Variants in HAS2 observed in about 807,000 individuals in gnomAD.
The protein encoded by HAS2 is hyaluronan synthase 2, also known as HA synthase 2.
Under a neutral mutation model 51.6 loss-of-function variants are expected in HAS2, and 16 were observed. The observed-to-expected ratio is 0.31, with a 90% confidence interval of 0.21 to 0.47. HAS2 has a LOEUF of 0.47. HAS2 is among the 20% of genes least tolerant of loss of function. The pLI is 1.00. For missense variants in HAS2, 361 were observed against 662.6 expected (o/e 0.54, Z 5.00); for synonymous variants, 228 against 235.5 (o/e 0.97, Z 0.29).
intron 2 of HAS2, among the ~76,000 whole-genome samples, chr8:121,625,620 T>C (rs1176254081): frequency 6.7e-6 from 1 of 150,196 alleles, no homozygotes; most frequent in Non-Finnish European, 1.5e-5. Flanking sequence ...CTAGCAATCC[T>C]ACCTCAGCCT....
rs752820273 is a variant in HAS2 at position 121,628,816 on chromosome 8, G to A, written c.525C>T (p.Val175=). ...TGATGCAGATACTTTTGTTGGACAA[G>A]ACCAATTGCGTTACGTGTTGCGAGC... ...KESSQHVTQL[V]LSNKSICIMQ... is the part of the protein sequence containing the mutation. Residue 175 remains valine (V), a synonymous_variant, in exon 2 of 4, where the codon GTC becomes GTT. Transcript: ENST00000303924. 11 of 1,614,112 alleles carry A rather than the reference G, an allele frequency of 6.8e-6. No individual in the cohort carries two copies. In the South Asian group the frequency reaches 1.1e-4, roughly 16 times the overall value.
intron 2 of HAS2, among the ~76,000 whole-genome samples, chr8:121,618,700 T>A (rs1041003174): frequency 3.3e-5 from 5 of 152,220 alleles, no homozygotes; most frequent in African/African-American, 1.2e-4. Context: ...GTCATGTGAT[T>A]AATCAGCTTG....
Position 121,613,312 on chromosome 8 carries a change from G to A in HAS2, c.*797C>T, listed in dbSNP as rs1812661537. ...ACTTCCAAAGTGTGATAGGTATATT[G>A]GCCTTTTCTAAAAGAAATAAAAACA... is the stretch of plus-strand genomic sequence containing the variant. On this transcript the variant is annotated 3_prime_UTR_variant, in exon 4 of 4. Coordinates refer to ENST00000303924, the MANE Select transcript of HAS2 (RefSeq NM_005328.3). The A allele has an allele frequency of 6.6e-6, 1 of 151,772 alleles. No homozygotes were observed. The highest frequency in any genetic ancestry group is 2.1e-4 in the South Asian group (1 of 4,800). The allele number at this position is 151,772 out of a possible 1,614,324, so 9.4% of individuals were successfully genotyped here.
intron 1 of HAS2, among the ~76,000 whole-genome samples, chr8:121,631,404 C>T (rs1052010024): frequency 9.9e-5 from 15 of 152,140 alleles, no homozygotes; most frequent in African/African-American, 2.9e-4. Context: ...CCCCACAGGA[C>T]TGTGGTGAGG....
chr8:121,626,350 C>T lies in HAS2; in HGVS notation c.627+2364G>A, dbSNP rs80109436. On this transcript the variant is annotated intron_variant, in intron 2 of 3. Transcript: ENST00000303924. ...GAGAGCAATAAGCAAGGCATCTATT[C>T]AAGACCAAGTGAAAAGAGTGCTGAA... Among the ~76,000 whole-genome samples the T allele has an allele frequency of 7.3e-3, 1,119 of 152,258 alleles. 12 individuals carry two copies. Among genetic ancestry groups the T allele is most frequent in the South Asian group, 0.036 (171 of 4,808 alleles).
intron 2 of HAS2, among the ~76,000 whole-genome samples, chr8:121,619,625 T>C (rs1411871929): frequency 1.3e-5 from 2 of 152,104 alleles, no homozygotes; most frequent in African/African-American, 4.8e-5. Flanking sequence ...TATCCAAGCA[T>C]CTCAAGCCTC....
rs988227147 is a variant in HAS2 at position 121,613,168 on chromosome 8, TG to T, written c.*940del. On this transcript the variant is annotated 3_prime_UTR_variant, in exon 4 of 4. Transcript: ENST00000303924. Reference sequence around the variant, plus strand: ...GTTTTGTCCAGTGCTGGATGCCTACTGTTTTCTTTCAAAGACTATCATTCCC... The same window carrying T: ...GTTTTGTCCAGTGCTGGATGCCTACTTTTTCTTTCAAAGACTATCATTCCC... The T allele has an allele frequency of 2.0e-5, 3 of 152,208 alleles. No homozygotes were observed. The highest frequency in any genetic ancestry group is 2.0e-4 in the Admixed American group (3 of 15,280). 9.4% of individuals were successfully genotyped at this position (152,208 alleles called of 1,614,324 possible).
At chr8:121,640,420 AGTGT>A (rs10578731) in intron 1 of HAS2, among the ~76,000 whole-genome samples, 9,428 of 148,150 alleles carry the variant, frequency 0.064, 315 homozygotes, top group African/African-American at 0.07. Context: ...TTCTCCCCAC[AGTGT>A]GTGTGTGTGT....
intron 1 of HAS2, among the ~76,000 whole-genome samples, chr8:121,636,326 T>C (rs1813008135): frequency 6.6e-6 from 1 of 152,114 alleles, no homozygotes; most frequent in Non-Finnish European, 1.5e-5. Flanking sequence ...CGCAGCAGTC[T>C]TCACATTACA....
chr8:121,640,446 G>GTGTGTGTGTGTGT (rs1563625817), intron 1 of HAS2, among the ~76,000 whole-genome samples: 24 of 121,862 alleles, frequency 2.0e-4, no homozygotes, highest in African/African-American at 6.2e-4. Flanking sequence ...TGTGTGTGTG[G>GTGTGTGTGTGTGT]GAAAAAAAGA....
intron 2 of HAS2, among the ~76,000 whole-genome samples, chr8:121,620,324 C>A (rs1001068341): frequency 6.6e-6 from 1 of 152,160 alleles, no homozygotes; most frequent in African/African-American, 2.4e-5. Context: ...GGCTTTCTAG[C>A]CATCTCCTCA....
rs546570423 is a variant in HAS2, at chr8:121,641,286, C to G, written c.-434G>C. The stretch of plus-strand genomic sequence containing the variant: ...GGAAGACTCAGCAGAACCCAGGAAG[C>G]GCAGAATTGGGAGAAAAGTCTTTGG... On this transcript the variant is annotated 5_prime_UTR_variant, in exon 1 of 4. Transcript: ENST00000303924. The G allele has an allele frequency of 2.8e-5, 4 of 140,780 alleles. No individual in the cohort carries two copies. The highest frequency in any genetic ancestry group is 4.7e-4 in the South Asian group (2 of 4,280). The allele number at this position is 140,780 out of a possible 1,614,324, so 8.7% of individuals were successfully genotyped here. A position where few individuals can be genotyped will look rare whatever the true frequency, so the allele number is the denominator to read the frequency against.
At chr8:121,637,282 AAC>A (rs1286829445) in intron 1 of HAS2, among the ~76,000 whole-genome samples, 1 of 152,204 alleles carries the variant, frequency 6.6e-6, no homozygotes, top group African/African-American at 2.4e-5. Flanking sequence ...GAAAATATTT[AAC>A]AGTGTGGCCT....
In HAS2 at chr8:121,641,182, G is replaced by GTTTTTTTTTT. The variant is rs1240320617; in HGVS notation, c.-331_-330insAAAAAAAAAA. The GTTTTTTTTTT allele has an allele frequency of 2.0e-5, 1 of 48,848 alleles. No homozygotes were observed. Among genetic ancestry groups the GTTTTTTTTTT allele is most frequent in the Non-Finnish European group, 3.5e-5 (1 of 28,528 alleles). 3.0% of individuals were successfully genotyped at this position (48,848 alleles called of 1,614,324 possible). On this transcript the variant is annotated 5_prime_UTR_variant, in exon 1 of 4. Transcript: ENST00000303924. ...TCTTTTTTTTTTTTTTTTTTTTTTG[G>GTTTTTTTTTT]GCTTCAGTCTTTCTGCCCCCGATAA...
intron 3 of HAS2, among the ~76,000 whole-genome samples, chr8:121,616,593 G>A (rs150350913): frequency 1.4e-4 from 21 of 151,652 alleles, no homozygotes; most frequent in African/African-American, 4.6e-4. Context: ...ACACCACCAC[G>A]CCCAGCTAAT....
At position 121,628,995 on chromosome 8, in the gene HAS2, C is replaced by A; in HGVS notation, c.346G>T (p.Val116Phe). 1 of 1,614,120 alleles carries A rather than the reference C, an allele frequency of 6.2e-7. No individual in the cohort carries two copies. Among genetic ancestry groups the A allele is most frequent in the Non-Finnish European group, 8.5e-7 (1 of 1,179,982 alleles). Residue 116 changes from valine to phenylalanine, a missense_variant, in exon 2 of 4, where the codon GTT (valine) becomes TTT (phenylalanine). Coordinates refer to ENST00000303924, the MANE Select transcript of HAS2 (RefSeq NM_005328.3). Reference protein sequence around the residue: ...VKRLTYPGIKVVMVIDGNSED... With the variant: ...VKRLTYPGIKFVMVIDGNSED... ...GAGTTCCCATCTATGACCATGACAA[C>A]TTTAATCCCAGGGTAGGTTAGCCTT...
At chr8:121,622,889 T>C (rs1812791839) in intron 2 of HAS2, among the ~76,000 whole-genome samples, 1 of 151,612 alleles carries the variant, frequency 6.6e-6, no homozygotes, top group Non-Finnish European at 1.5e-5. Context: ...TACAAAATCA[T>C]AAAATCTAAA....
chr8:121,615,432 G>A (rs1414787934), intron 3 of HAS2, among the ~76,000 whole-genome samples: 1 of 152,112 alleles, frequency 6.6e-6, no homozygotes, highest in Non-Finnish European at 1.5e-5. Context: ...CGCCTTCCTG[G>A]TTCAAATGAT....
intron 1 of HAS2, among the ~76,000 whole-genome samples, chr8:121,636,543 G>A (rs1461110044): frequency 1.3e-5 from 2 of 152,046 alleles, no homozygotes; most frequent in Non-Finnish European, 1.5e-5. Flanking sequence ...TCACTCCAGC[G>A]GTGTCTGGGT....
Sources: gnomAD v4.1 joint callset for allele counts (sites outside exome capture counted in the v4.1 genomes callset) on GRCh38, gnomAD v4.1.1 for gene constraint, MANE v1.5 for transcripts, NCBI Gene and HGNC (gene_info 2026-07-23, HGNC 2026-07-21) for gene names.